Variants in CDK8 observed in about 807,000 individuals in gnomAD.
CDK8 encodes the protein cyclin dependent kinase 8.
In CDK8, 29 loss-of-function variants were observed where a neutral mutation model predicts 71.5. The ratio of observed to expected loss-of-function variants is 0.41; its 90% confidence interval spans 0.30 to 0.55. The LOEUF is 0.55. Ranked by LOEUF, CDK8 falls within the 20% of genes least tolerant of loss-of-function variation. CDK8 has a pLI of 0.37. For synonymous variants in CDK8, 161 were observed against 192.1 expected, an observed-to-expected ratio of 0.84 and a Z score of 1.34; for missense variants, 288 against 572.6, an observed-to-expected ratio of 0.50 and a Z score of 5.07.
At chr13:26,261,985 G>C (rs997434240) in intron 1 of CDK8, among the ~76,000 whole-genome samples, 2 of 152,218 alleles carry the variant, frequency 1.3e-5, no homozygotes, top group Non-Finnish European at 2.9e-5. Flanking sequence ...TTCTGAAACA[G>C]AGATTCATAC....
At chr13:26,375,930 G>C (rs532180320) in intron 4 of CDK8, among the ~76,000 whole-genome samples, 1 of 152,194 alleles carries the variant, frequency 6.6e-6, no homozygotes, top group Admixed American at 6.5e-5. Context: ...TGGGCGAGGA[G>C]CATAATTTTA....
chr13:26,286,517 A>T (rs918145120), intron 1 of CDK8, among the ~76,000 whole-genome samples: 1 of 152,216 alleles, frequency 6.6e-6, no homozygotes, highest in African/African-American at 2.4e-5. Context: ...TCAACTCAAG[A>T]TGGAGTAAAG....
At chr13:26,377,347 T>C (rs1875002717) in intron 4 of CDK8, among the ~76,000 whole-genome samples, 1 of 152,246 alleles carries the variant, frequency 6.6e-6, no homozygotes. Context: ...TAGCCTAGAC[T>C]ATGACCTCTT....
chr13:26,336,142 C>CAT (rs563301220), intron 1 of CDK8, among the ~76,000 whole-genome samples: 3,515 of 151,070 alleles, frequency 0.023, 100 homozygotes, highest in East Asian at 0.061. Flanking sequence ...CACACACACA[C>CAT]ATACACACAT....
intron 4 of CDK8, among the ~76,000 whole-genome samples, chr13:26,369,526 AT>A (rs1203523401): frequency 0.037 from 3,682 of 98,384 alleles, 17 homozygotes; most frequent in African/African-American, 0.085. Context: ...AGGTTGGACG[AT>A]TTTTTTTTTT....
At chr13:26,261,652 A>G (rs1017951081) in intron 1 of CDK8, among the ~76,000 whole-genome samples, 4 of 152,138 alleles carry the variant, frequency 2.6e-5, no homozygotes, top group Non-Finnish European at 4.4e-5. Context: ...ATACCTTTCT[A>G]TGGCTGGATC....
At chr13:26,356,912 T>G (rs1326398046) in intron 4 of CDK8, among the ~76,000 whole-genome samples, 1 of 152,204 alleles carries the variant, frequency 6.6e-6, no homozygotes, top group East Asian at 1.9e-4. Context: ...ACTCTCTTCA[T>G]AGATTTCTAA....
At chr13:26,272,196 TTTTAA>T (rs1872359733) in intron 1 of CDK8, among the ~76,000 whole-genome samples, 1 of 152,096 alleles carries the variant, frequency 6.6e-6, no homozygotes, top group Non-Finnish European at 1.5e-5. Context: ...TTTTTTCTAT[TTTTAA>T]AAGTTTTTGG....
chr13:26,358,101 C>T (rs571318066), intron 4 of CDK8, among the ~76,000 whole-genome samples: 2 of 152,002 alleles, frequency 1.3e-5, no homozygotes, highest in Non-Finnish European at 2.9e-5. Flanking sequence ...TGAGACCATC[C>T]TGGCTAACAT....
intron 2 of CDK8, 125 bp from the exon 3 acceptor site, chr13:26,348,947 G>T: frequency 1.4e-6 from 1 of 696,634 alleles, no homozygotes; most frequent in South Asian, 1.6e-5. Context: ...AATTGTGTGG[G>T]TGCTTATTAG....
At position 26,404,283 on chromosome 13, in the gene CDK8, A is replaced by G; in HGVS notation, c.*202A>G. Reference sequence around the variant, plus strand: ...CTATTTTGGAGTTAGACTTGAAAAGAAAGTGCTAGCACAGTTTGTGTTGTG... The same window carrying G: ...CTATTTTGGAGTTAGACTTGAAAAGGAAGTGCTAGCACAGTTTGTGTTGTG... On this transcript the variant is annotated 3_prime_UTR_variant, in exon 13 of 13. Transcript: ENST00000381527. 1 of 534,692 alleles carries G rather than the reference A, an allele frequency of 1.9e-6. No individual in the cohort carries two copies. Among genetic ancestry groups the G allele is most frequent in the Non-Finnish European group, 3.3e-6 (1 of 304,494 alleles). 33.1% of individuals were successfully genotyped at this position (534,692 alleles called of 1,614,324 possible).
At chr13:26,306,319 T>C (rs986645739) in intron 1 of CDK8, among the ~76,000 whole-genome samples, 9 of 152,224 alleles carry the variant, frequency 5.9e-5, no homozygotes, top group Admixed American at 1.3e-4. Flanking sequence ...AGAAGCATCA[T>C]TGAGCTTCTT....
intron 6 of CDK8, among the ~76,000 whole-genome samples, chr13:26,387,650 G>A (rs140273197): frequency 1.2e-3 from 178 of 152,142 alleles, no homozygotes; most frequent in African/African-American, 4.1e-3. Flanking sequence ...CAAAATCTTC[G>A]CAGCATTGTA....
chr13:26,313,233 C>T (rs769501193), intron 1 of CDK8, among the ~76,000 whole-genome samples: 21 of 152,004 alleles, frequency 1.4e-4, no homozygotes, highest in Non-Finnish European at 1.3e-4. Context: ...GTACTTAGCA[C>T]ATTATAGATG....
chr13:26,304,295 A>C (rs1457258599), intron 1 of CDK8, among the ~76,000 whole-genome samples: 1 of 151,882 alleles, frequency 6.6e-6, no homozygotes, highest in Non-Finnish European at 1.5e-5. Context: ...AAATCCTTTT[A>C]TTTTCATCTC....
intron 1 of CDK8, among the ~76,000 whole-genome samples, chr13:26,323,969 G>A (rs1329208629): frequency 6.6e-6 from 1 of 152,100 alleles, no homozygotes; most frequent in Non-Finnish European, 1.5e-5. Flanking sequence ...TGCCAGACTG[G>A]TCCCTAACAT....
At chr13:26,303,623 GC>G (rs1873914359) in intron 1 of CDK8, among the ~76,000 whole-genome samples, 1 of 151,972 alleles carries the variant, frequency 6.6e-6, no homozygotes, top group Non-Finnish European at 1.5e-5. Flanking sequence ...TTTCACTTTT[GC>G]CAGCCAGAGA....
chr13:26,300,156 A>T (rs912389702), intron 1 of CDK8, among the ~76,000 whole-genome samples: 4 of 152,180 alleles, frequency 2.6e-5, no homozygotes, highest in African/African-American at 9.7e-5. Flanking sequence ...CCTCCTTAGG[A>T]TAAATCATGC....
At chr13:26,374,630 A>G (rs983664895) in intron 4 of CDK8, among the ~76,000 whole-genome samples, 1 of 152,204 alleles carries the variant, frequency 6.6e-6, no homozygotes, top group African/African-American at 2.4e-5. Flanking sequence ...AATATAATCA[A>G]CATGAATATA....
Sources: gnomAD v4.1 joint callset for allele counts (sites outside exome capture counted in the v4.1 genomes callset) on GRCh38, gnomAD v4.1.1 for gene constraint, MANE v1.5 for transcripts, NCBI Gene and HGNC (gene_info 2026-07-23, HGNC 2026-07-21) for gene names.